The following BAHCC1 variants were observed in gnomAD, a reference collection of about 807,000 sequenced individuals.
The protein encoded by BAHCC1 is BAH domain and coiled-coil containing 1.
BAHCC1 carries 43 observed loss-of-function variants against 88.2 expected under a neutral mutation model. That is an observed-to-expected ratio of 0.49 (90% CI 0.38 to 0.63). The LOEUF (loss-of-function observed/expected upper bound fraction) is 0.63. BAHCC1 is among the 20% of genes least tolerant of loss of function. The pLI is 0.00. For missense variants in BAHCC1, 3,023 were observed against 1,654.8 expected (o/e 1.83, Z -14.34); for synonymous variants, 1,510 against 745.5 (o/e 2.03, Z -16.71).
intron 2 of BAHCC1, chr17:81,410,184 C>T (rs1438675757): frequency 1.4e-5 from 3 of 209,768 alleles, no homozygotes; most frequent in South Asian, 4.3e-5. Context: ...GGAGCCTGCA[C>T]GAGCTGCCGG....
At position 81,445,363 on chromosome 17, in the gene BAHCC1, G is replaced by A. The variant is rs528673858; in HGVS notation, c.2845G>A (p.Glu949Lys). The A allele has an allele frequency of 2.2e-5, 17 of 775,096 alleles. No homozygotes were observed. Among genetic ancestry groups the A allele is most frequent in the African/African-American group, 1.2e-4 (7 of 59,110 alleles). 48.0% of individuals were successfully genotyped at this position (775,096 alleles called of 1,614,324 possible). Residue 949 changes from glutamate to lysine, a missense_variant, in exon 10 of 28, where the codon GAA becomes AAA. By Grantham distance (56) the Glu-to-Lys change is moderately conservative. Transcript: ENST00000675386. ...QRAAQFQRKP[E>K]DQHLDLEEPA... ...CCCCCATCCCTGACAGCGGAAGCCC[G>A]AAGACCAGCACCTGGATCTGGAGGA...
At chr17:81,451,520 T>C in intron 11 of BAHCC1, 148 bp from the exon 12 acceptor site, 1 of 603,378 alleles carries the variant, frequency 1.7e-6, no homozygotes, top group South Asian at 1.9e-5. Context: ...GTGTCAGCCC[T>C]GGTGCCCACC....
intron 2 of BAHCC1, among the ~76,000 whole-genome samples, chr17:81,420,770 G>C (rs573091613): frequency 6.6e-6 from 1 of 152,124 alleles, no homozygotes; most frequent in African/African-American, 2.4e-5. Context: ...CGGTGGCCCC[G>C]CTGACACCGC....
At chr17:81,413,152 A>G (rs730209) in intron 2 of BAHCC1, 78,264 of 439,158 alleles carry the variant, frequency 0.18, 8,020 homozygotes, top group Non-Finnish European at 0.21. Flanking sequence ...ACGCTCCCCA[A>G]CCCCAGAGTG....
chr17:81,435,327 C>T lies in BAHCC1; in HGVS notation c.359-3043C>T, dbSNP rs1275100284. 1.4e-5 allele frequency: 6 copies of T among 414,624 alleles called. No homozygotes were observed. The highest frequency in any genetic ancestry group is 2.9e-5 in the Non-Finnish European group (6 of 203,740). The allele number at this position is 414,624 out of a possible 1,614,324, so 25.7% of individuals were successfully genotyped here. A position where few individuals can be genotyped will look rare whatever the true frequency, so the allele number is the denominator to read the frequency against. ...TGAGCCTCTGTCTCCTGCAGTCTGT[C>T]CCATCACAGGACTGAGTTTGGAGTC... On this transcript the variant is annotated intron_variant, in intron 3 of 27. Transcript: ENST00000675386. This position sits in a 1 kb window ranked among gnomAD's most constrained non-coding sequence, Gnocchi z 4.4.
At chr17:81,402,248 GAT>G (rs1284944430) in intron 2 of BAHCC1, 1 of 152,358 alleles carries the variant, frequency 6.6e-6, no homozygotes, top group Admixed American at 6.5e-5. Context: ...ACCCATTTGT[GAT>G]GGGCAACTTG....
chr17:81,413,854 G>A (rs150658778), intron 2 of BAHCC1, among the ~76,000 whole-genome samples: 3 of 152,224 alleles, frequency 2.0e-5, no homozygotes, highest in East Asian at 3.9e-4. Flanking sequence ...GTGCTGGGGC[G>A]GCTGTGTCCT....
intron 10 of BAHCC1, 162 bp from the exon 11 acceptor site, chr17:81,446,874 T>C: frequency 1.5e-6 from 1 of 669,972 alleles, no homozygotes; most frequent in African/African-American, 1.8e-5. Flanking sequence ...TTAATTAACG[T>C]AACCCTTTCC....
intron 2 of BAHCC1, 136 bp from the exon 3 acceptor site, chr17:81,426,664 A>G (rs2064203813): frequency 1.3e-5 from 5 of 397,938 alleles, no homozygotes; most frequent in African/African-American, 6.2e-5. Flanking sequence ...TTTCTTGGAT[A>G]TTGAAAGTCA....
At chr17:81,412,637 C>G (rs2063968586) in intron 2 of BAHCC1, among the ~76,000 whole-genome samples, 1 of 152,220 alleles carries the variant, frequency 6.6e-6, no homozygotes, top group Non-Finnish European at 1.5e-5. Flanking sequence ...CCGACTCTCC[C>G]TCCTGGCCCT....
intron 3 of BAHCC1, among the ~76,000 whole-genome samples, chr17:81,436,003 A>G (rs1555651684): frequency 1.3e-5 from 2 of 152,140 alleles, no homozygotes; most frequent in African/African-American, 4.8e-5. Flanking sequence ...CTGGGCTGGG[A>G]GGACCTTTTC....
intron 15 of BAHCC1, chr17:81,456,077 G>A (rs1024747494): frequency 1.9e-6 from 1 of 537,222 alleles, no homozygotes; most frequent in South Asian, 2.6e-5. Flanking sequence ...GGGGTGGGCA[G>A]TTGGTGGGCA....
chr17:81,452,624 C>T (rs560115750), intron 13 of BAHCC1, 99 bp from the exon 14 acceptor site: 7 of 567,806 alleles, frequency 1.2e-5, no homozygotes, highest in South Asian at 2.2e-5. Flanking sequence ...CATCTTTCCC[C>T]ACACCCAGTA....
chr17:81,414,968 C>T (rs575337783), intron 2 of BAHCC1, among the ~76,000 whole-genome samples: 55 of 152,326 alleles, frequency 3.6e-4, no homozygotes, highest in African/African-American at 1.1e-3. Flanking sequence ...GTACTATCCT[C>T]GCCAGCAGCT....
rs370596926 is a variant in BAHCC1 at position 81,412,151 on chromosome 17, C to T, written c.178+12234C>T. On this transcript the variant is annotated intron_variant, in intron 2 of 27. Transcript: ENST00000675386. ...GGTCCCCCAGGATCCTCCGGATCTCCGTAGTGGGACAGCTACCCCATCCGG... is the reference window on the plus strand; with the variant it reads ...GGTCCCCCAGGATCCTCCGGATCTCTGTAGTGGGACAGCTACCCCATCCGG... 3.3e-3 allele frequency among the ~76,000 whole-genome samples: 498 copies of T among 152,294 alleles called. 5 individuals carry two copies. Among genetic ancestry groups the T allele is most frequent in the African/African-American group, 0.01 (436 of 41,558 alleles).
intron 3 of BAHCC1, among the ~76,000 whole-genome samples, 178 bp from the exon 4 acceptor site, chr17:81,438,192 T>G (rs533741150): frequency 1.4e-3 from 207 of 152,354 alleles, no homozygotes; most frequent in Admixed American, 4.4e-3. Context: ...ATGGCATTAG[T>G]GGAGTCAGAG....
At chr17:81,424,003 A>G (rs10782007) in intron 2 of BAHCC1, among the ~76,000 whole-genome samples, 47,371 of 152,168 alleles carry the variant, frequency 0.31, 9,430 homozygotes, top group African/African-American at 0.58. Flanking sequence ...GGTGAGCGCC[A>G]TCCGCAGCTC....
At chr17:81,400,136 G>A (rs2063795681) in intron 2 of BAHCC1, among the ~76,000 whole-genome samples, 2 of 152,102 alleles carry the variant, frequency 1.3e-5, no homozygotes, top group South Asian at 2.1e-4. Flanking sequence ...TCCCCCGGGG[G>A]TCTCGGAGGG....
intron 11 of BAHCC1, among the ~76,000 whole-genome samples, chr17:81,450,332 C>T (rs1463020435): frequency 6.6e-6 from 1 of 152,114 alleles, no homozygotes; most frequent in Non-Finnish European, 1.5e-5. Flanking sequence ...GCCCTCAGGG[C>T]TGGCTTCCCC....
Sources: gnomAD v4.1 joint callset for allele counts (sites outside exome capture counted in the v4.1 genomes callset) on GRCh38, gnomAD v4.1.1 for gene constraint, Gnocchi (gnomAD v3.1) non-coding constraint, MANE v1.5 for transcripts, NCBI Gene and HGNC (gene_info 2026-07-23, HGNC 2026-07-21) for gene names.